TNFSF4: variants seen among roughly 807,000 people sequenced by gnomAD.
The protein encoded by TNFSF4 is tumor necrosis factor ligand superfamily member 4.
Under a neutral mutation model 7.3 loss-of-function variants are expected in TNFSF4, and 4 were observed. That is an observed-to-expected ratio of 0.55 (90% confidence interval 0.27 to 1.25). TNFSF4 has a LOEUF of 1.25. Ranked by LOEUF, TNFSF4 falls within the 50% of genes most tolerant of loss-of-function variation. The pLI, the probability that TNFSF4 is intolerant of heterozygous loss-of-function variation, is 0.12. For synonymous variants in TNFSF4, 76 were observed against 83.7 expected, an observed-to-expected ratio of 0.91 and a Z score of 0.50; for missense variants, 181 against 208.8, an observed-to-expected ratio of 0.87 and a Z score of 0.82.
At chr1:173,380,802 AG>A in the TNFSF4 span, among the ~76,000 whole-genome samples, 1 of 152,174 alleles carries the variant, frequency 6.6e-6, no homozygotes, top group Non-Finnish European at 1.5e-5. Flanking sequence ...CAAGTACTCT[AG>A]GAATATGGGG....
At chr1:173,199,641 C>T (rs772333499) in intron 1 of TNFSF4, among the ~76,000 whole-genome samples, 21 of 152,140 alleles carry the variant, frequency 1.4e-4, no homozygotes, top group African/African-American at 4.3e-4. Context: ...TTCTATTCTC[C>T]GGTACTGTGA....
At chr1:173,274,844 T>C in the TNFSF4 span, among the ~76,000 whole-genome samples, 4 of 152,154 alleles carry the variant, frequency 2.6e-5, no homozygotes, top group Admixed American at 1.3e-4. Flanking sequence ...AAGAGTACCT[T>C]ATTTTTGATA....
the TNFSF4 span, among the ~76,000 whole-genome samples, chr1:173,373,442 T>C: frequency 4.6e-5 from 7 of 152,162 alleles, no homozygotes; most frequent in Non-Finnish European, 8.8e-5. Flanking sequence ...CACGGGGGCA[T>C]AGTTTTCTCT....
the TNFSF4 span, among the ~76,000 whole-genome samples, chr1:173,360,116 G>A: frequency 6.6e-6 from 1 of 152,254 alleles, no homozygotes; most frequent in South Asian, 2.1e-4. Flanking sequence ...CAACTAGCCG[G>A]CTGATAACAC....
At chr1:173,278,850 C>A in the TNFSF4 span, among the ~76,000 whole-genome samples, 1 of 151,978 alleles carries the variant, frequency 6.6e-6, no homozygotes, top group Admixed American at 6.6e-5. Context: ...GTAAAAGCAC[C>A]CAAAGCCCTA....
At chr1:173,361,195 A>C in the TNFSF4 span, among the ~76,000 whole-genome samples, 1 of 152,258 alleles carries the variant, frequency 6.6e-6, no homozygotes, top group Non-Finnish European at 1.5e-5. Context: ...AGGTGGGTCC[A>C]GATGACTGCA....
chr1:173,424,576 C>G, the TNFSF4 span, among the ~76,000 whole-genome samples: 1 of 152,120 alleles, frequency 6.6e-6, no homozygotes, highest in Non-Finnish European at 1.5e-5. Flanking sequence ...GCTGGATTTT[C>G]AAGGGTACAA....
At chr1:173,446,622 A>T in the TNFSF4 span, among the ~76,000 whole-genome samples, 1 of 152,214 alleles carries the variant, frequency 6.6e-6, no homozygotes, top group Non-Finnish European at 1.5e-5. Flanking sequence ...CTGGGTGGGC[A>T]CCATCTAATC....
At chr1:173,224,454 T>C in the TNFSF4 span, among the ~76,000 whole-genome samples, 1 of 152,182 alleles carries the variant, frequency 6.6e-6, no homozygotes, top group East Asian at 1.9e-4. Flanking sequence ...ACACTTATTT[T>C]TTTATGCCTC....
the TNFSF4 span, among the ~76,000 whole-genome samples, chr1:173,381,896 A>C: frequency 6.6e-6 from 1 of 152,186 alleles, no homozygotes; most frequent in Non-Finnish European, 1.5e-5. Context: ...CTCTGTAAAA[A>C]TGCACCAATC....
At chr1:173,375,341 G>A in the TNFSF4 span, among the ~76,000 whole-genome samples, 1 of 152,148 alleles carries the variant, frequency 6.6e-6, no homozygotes, top group Admixed American at 6.5e-5. Flanking sequence ...CCCCCTCTTT[G>A]CCCCTATCCA....
At chr1:173,324,194 G>C in the TNFSF4 span, among the ~76,000 whole-genome samples, 1 of 151,938 alleles carries the variant, frequency 6.6e-6, no homozygotes, top group African/African-American at 2.4e-5. Flanking sequence ...CAGAAGGGGC[G>C]GGGGGGCCAA....
At chr1:173,352,912 A>G in the TNFSF4 span, among the ~76,000 whole-genome samples, 1 of 152,162 alleles carries the variant, frequency 6.6e-6, no homozygotes, top group Non-Finnish European at 1.5e-5. Context: ...AAGGCTGTTA[A>G]TTATTAATAT....
chr1:173,447,962 A>G, the TNFSF4 span, among the ~76,000 whole-genome samples: 1 of 152,174 alleles, frequency 6.6e-6, no homozygotes, highest in Admixed American at 6.5e-5. Context: ...CACTAATCGA[A>G]AGAAAAAATG....
the TNFSF4 span, among the ~76,000 whole-genome samples, chr1:173,230,241 A>G: frequency 6.6e-6 from 1 of 152,252 alleles, no homozygotes. Context: ...CTCAGACCAC[A>G]GTGCAATCAA....
At chr1:173,435,462 C>T in the TNFSF4 span, among the ~76,000 whole-genome samples, 1 of 152,104 alleles carries the variant, frequency 6.6e-6, no homozygotes, top group African/African-American at 2.4e-5. Context: ...GATTAGTGTC[C>T]TTATAAGAGG....
the TNFSF4 span, among the ~76,000 whole-genome samples, chr1:173,247,209 C>T: frequency 6.6e-6 from 1 of 152,110 alleles, no homozygotes; most frequent in African/African-American, 2.4e-5. Context: ...TAAGGAGTTC[C>T]CTGTCACTGA....
At chr1:173,414,345 C>A in the TNFSF4 span, among the ~76,000 whole-genome samples, 1 of 152,108 alleles carries the variant, frequency 6.6e-6, no homozygotes, top group South Asian at 2.1e-4. Flanking sequence ...CCTCTTCTTA[C>A]AAGGACACCA....
chr1:173,187,743 C>A (rs1310821160), intron 2 of TNFSF4, among the ~76,000 whole-genome samples: 4 of 152,186 alleles, frequency 2.6e-5, no homozygotes. Flanking sequence ...GCAGGGCCAT[C>A]CCAAGTGCAA....
Sources: allele counts gnomAD v4.1 joint callset (sites outside exome capture counted in the v4.1 genomes callset), GRCh38; gene constraint gnomAD v4.1.1; transcripts MANE v1.5; gene names NCBI Gene and HGNC (gene_info 2026-07-23, HGNC 2026-07-21).